The following CATSPERD variants were observed in gnomAD, a reference collection of about 807,000 sequenced individuals.
The protein encoded by CATSPERD is catsper channel auxiliary subunit delta.
CATSPERD carries 86 observed loss-of-function variants against 98.1 expected under a neutral mutation model. The ratio of observed to expected loss-of-function variants is 0.88; its 90% confidence interval spans 0.74 to 1.05. The LOEUF is 1.05. Among genes scored for constraint, CATSPERD ranks in the 50% least tolerant of loss-of-function variants. CATSPERD has a pLI of 0.00. For synonymous variants in CATSPERD, 394 were observed against 390.2 expected (o/e 1.01, Z -0.12); for missense variants, 995 against 1,005.7 (o/e 0.99, Z 0.14).
chr19:5,750,230 C>T (rs900978602), intron 11 of CATSPERD, among the ~76,000 whole-genome samples: 3 of 149,008 alleles, frequency 2.0e-5, no homozygotes, highest in Non-Finnish European at 4.5e-5. Flanking sequence ...GGGCGGATCA[C>T]GAGTTCAGGA....
chr19:5,753,324 G>C (rs1165166829), intron 12 of CATSPERD, among the ~76,000 whole-genome samples: 1 of 151,994 alleles, frequency 6.6e-6, no homozygotes, highest in Non-Finnish European at 1.5e-5. Flanking sequence ...GCTTTGGGAG[G>C]CTAAGGTGGG....
intron 5 of CATSPERD, among the ~76,000 whole-genome samples, chr19:5,736,117 G>T (rs1256954432): frequency 1.3e-5 from 2 of 151,614 alleles, no homozygotes; most frequent in African/African-American, 4.8e-5. Context: ...TCTCCATTTT[G>T]GCCAGGCTGG....
intron 15 of CATSPERD, among the ~76,000 whole-genome samples, chr19:5,760,869 T>C (rs2056420464): frequency 6.6e-6 from 1 of 151,176 alleles, no homozygotes; most frequent in African/African-American, 2.4e-5. Flanking sequence ...GTTATGGGCA[T>C]GACAATGTAC....
At chr19:5,731,560 G>GTTTTTGTT (rs2055718997) in intron 4 of CATSPERD, among the ~76,000 whole-genome samples, 1 of 75,724 alleles carries the variant, frequency 1.3e-5, no homozygotes, top group African/African-American at 5.0e-5. Context: ...ACACTTAACA[G>GTTTTTGTT]TTTTTTTTTT....
intron 12 of CATSPERD, among the ~76,000 whole-genome samples, chr19:5,752,699 G>A (rs553082297): frequency 5.3e-5 from 8 of 152,094 alleles, no homozygotes; most frequent in African/African-American, 1.4e-4. Flanking sequence ...GAAATGCTGC[G>A]GGCCCAACAG....
intron 15 of CATSPERD, 104 bp from the exon 16 acceptor site, chr19:5,763,111 G>A (rs2056474638): frequency 3.8e-6 from 3 of 789,372 alleles, no homozygotes; most frequent in Non-Finnish European, 2.2e-6. Context: ...GAGATGGATG[G>A]ATGGATGCAC....
chr19:5,771,195 T>C (rs1239768815), intron 19 of CATSPERD, 123 bp downstream of exon 19: 1 of 1,116,932 alleles, frequency 9.0e-7, no homozygotes, highest in Admixed American at 2.7e-5. Flanking sequence ...ATGGTCACTG[T>C]TTCCCACCGT....
At chr19:5,737,237 T>C in intron 6 of CATSPERD, 32 bp downstream of exon 6, 1 of 1,471,550 alleles carries the variant, frequency 6.8e-7, no homozygotes, top group Non-Finnish European at 9.5e-7. Context: ...TTCATTTTTT[T>C]TTGCTCTCCT....
chr19:5,742,613 C>T (rs1024056472), intron 7 of CATSPERD, among the ~76,000 whole-genome samples: 1 of 151,736 alleles, frequency 6.6e-6, no homozygotes, highest in Admixed American at 6.6e-5. Context: ...GAGACCCACC[C>T]CCCACCATAT....
intron 18 of CATSPERD, among the ~76,000 whole-genome samples, chr19:5,769,651 G>A (rs973931403): frequency 1.3e-5 from 2 of 152,170 alleles, no homozygotes; most frequent in Non-Finnish European, 2.9e-5. Flanking sequence ...ATTTAGAGCT[G>A]AGGCCTAAAC....
At chr19:5,726,712 G>C (rs999906987) in intron 2 of CATSPERD, among the ~76,000 whole-genome samples, 1 of 151,432 alleles carries the variant, frequency 6.6e-6, no homozygotes, top group Non-Finnish European at 1.5e-5. Context: ...CTGTTTATTT[G>C]GACATAATTA....
chr19:5,748,495 G>A (rs2056139227), intron 10 of CATSPERD, among the ~76,000 whole-genome samples: 1 of 151,678 alleles, frequency 6.6e-6, no homozygotes, highest in Admixed American at 6.6e-5. Context: ...GCTGGGCGTG[G>A]TGGTGGGCGA....
intron 19 of CATSPERD, 66 bp from the exon 20 acceptor site, chr19:5,772,722 T>C: frequency 6.5e-7 from 1 of 1,531,220 alleles, no homozygotes; most frequent in Non-Finnish European, 8.8e-7. Context: ...TCCAGGTGGC[T>C]GTGGCCCGGG....
intron 4 of CATSPERD, among the ~76,000 whole-genome samples, chr19:5,731,560 GTTTTTTTTTTTTTTT>G (rs67541709): frequency 1.3e-5 from 1 of 75,724 alleles, no homozygotes; most frequent in Non-Finnish European, 2.4e-5. Flanking sequence ...ACACTTAACA[GTTTTTTTTTTTTTTT>G]TTTTTTTTTT....
chr19:5,764,013 T>C (rs1173759568), intron 16 of CATSPERD, among the ~76,000 whole-genome samples: 2 of 150,364 alleles, frequency 1.3e-5, no homozygotes. Context: ...CATGCCCAGC[T>C]AATTTTTGTA....
intron 6 of CATSPERD, among the ~76,000 whole-genome samples, chr19:5,737,892 G>T (rs560161568): frequency 6.6e-6 from 1 of 151,972 alleles, no homozygotes; most frequent in African/African-American, 2.4e-5. Flanking sequence ...TAAGGACAGT[G>T]TAAGGCTTGA....
rs778615102 is a variant in CATSPERD, at chr19:5,776,320, G to T, written c.2096+5G>T. ...GATCGTGGATCCGTACTACAGGTGA[G>T]TGGGCCCATCTGCCCCTACGACAGG... On this transcript the variant is annotated splice_donor_5th_base_variant and intron_variant, in intron 21 of 21. Transcript: ENST00000381624. The T allele has an allele frequency of 6.2e-7, 1 of 1,613,886 alleles. No homozygotes were observed. Among genetic ancestry groups the T allele is most frequent in the East Asian group, 2.2e-5 (1 of 44,874 alleles).
intron 1 of CATSPERD, among the ~76,000 whole-genome samples, chr19:5,724,048 C>T (rs886155192): frequency 6.6e-6 from 1 of 152,114 alleles, no homozygotes; most frequent in Non-Finnish European, 1.5e-5. Context: ...CCGCTTTGGC[C>T]TCCCAAAGTG....
At chr19:5,729,131 T>C (rs530119880) in intron 3 of CATSPERD, among the ~76,000 whole-genome samples, 19 of 152,150 alleles carry the variant, frequency 1.2e-4, no homozygotes, top group Admixed American at 1.1e-3. Context: ...GTTTCACTCT[T>C]GTCGCCCAGG....
Sources: allele counts gnomAD v4.1 joint callset (sites outside exome capture counted in the v4.1 genomes callset), GRCh38; gene constraint gnomAD v4.1.1; transcripts MANE v1.5; gene names NCBI Gene and HGNC (gene_info 2026-07-23, HGNC 2026-07-21).